SPATA21: variants seen among roughly 807,000 people sequenced by gnomAD.
The protein encoded by SPATA21 is spermatogenesis-associated protein 21.
A neutral mutation model predicts 54.8 loss-of-function variants in SPATA21; 47 were observed. The observed-to-expected ratio is 0.86, with a 90% CI of 0.68 to 1.09. The LOEUF (loss-of-function observed/expected upper bound fraction) is 1.09. Among genes scored for constraint, SPATA21 ranks in the 50% least tolerant of loss-of-function variants. The probability of loss-of-function intolerance (pLI) is 0.00; values close to 1 mark genes in which losing one functional copy is unlikely to be tolerated. For synonymous variants in SPATA21, 245 were observed against 235.3 expected (o/e 1.04, Z -0.38); for missense variants, 599 against 596.4 (o/e 1.00, Z -0.05).
rs927653674 is a variant in SPATA21, at chr1:16,428,701, G to C, written c.34+2637C>G. On this transcript the variant is annotated intron_variant, in intron 3 of 12. Transcript: ENST00000335496. This position sits in a 1 kb window ranked among gnomAD's most constrained non-coding sequence, Gnocchi z 4.3. Reference sequence around the variant, plus strand: ...TGAACTGGGTTTTGATCACTATCATGGTCTGTCACTCTCCAACTGGGTGAC... The same window carrying C: ...TGAACTGGGTTTTGATCACTATCATCGTCTGTCACTCTCCAACTGGGTGAC... Among the ~76,000 whole-genome samples, 6 of 152,042 alleles carry C rather than the reference G, an allele frequency of 3.9e-5. No individual in the cohort carries two copies. Among genetic ancestry groups the C allele is most frequent in the African/African-American group, 1.5e-4 (6 of 41,378 alleles).
intron 5 of SPATA21, among the ~76,000 whole-genome samples, chr1:16,419,427 A>G (rs918825592): frequency 1.3e-5 from 2 of 152,204 alleles, no homozygotes; most frequent in African/African-American, 4.8e-5. Flanking sequence ...TTTATTTTGT[A>G]GGTAGCACTA....
chr1:16,413,135 T>C (rs1404358191), intron 5 of SPATA21, among the ~76,000 whole-genome samples: 1 of 138,978 alleles, frequency 7.2e-6, no homozygotes, highest in Admixed American at 6.9e-5. Context: ...GCTGGTCTTT[T>C]CATCTTGTAG....
At chr1:16,423,412 CAAAAAA>C (rs1161125061) in intron 3 of SPATA21, among the ~76,000 whole-genome samples, 1,479 of 59,202 alleles carry the variant, frequency 0.025, 20 homozygotes, top group African/African-American at 0.072. Flanking sequence ...GACTCCATGT[CAAAAAA>C]AAAAAAAAAA....
At position 16,419,635 on chromosome 1, in the gene SPATA21, T is replaced by C. The variant is rs928201311; in HGVS notation, c.144+1874A>G. 2.0e-5 allele frequency among the ~76,000 whole-genome samples: 3 copies of C among 152,186 alleles called. No individual in the cohort carries two copies. In the East Asian group the frequency reaches 5.8e-4, roughly 29 times the overall value. On this transcript the variant is annotated intron_variant, in intron 5 of 12. Transcript: ENST00000335496. ...AAGTAGGCCATTGGATATATGAACA[T>C]GGAATTTAAAGGCAAGGTCTATGGC...
chr1:16,411,806 A>C lies in SPATA21; in HGVS notation c.145-1763T>G, dbSNP rs113192696. On this transcript the variant is annotated intron_variant, in intron 5 of 12. Coordinates refer to ENST00000335496, the MANE Select transcript of SPATA21 (RefSeq NM_198546.1). The stretch of plus-strand genomic sequence containing the variant: ...CTCTGTCTCAAAAAAAAAAAAAAAA[A>C]AACAAAACAAAACAAAGTCTCCTGA... Among the ~76,000 whole-genome samples, 7 of 128,414 alleles carry C rather than the reference A, an allele frequency of 5.5e-5. No individual in the cohort carries two copies. In the South Asian group the frequency reaches 1.4e-3, roughly 26 times the overall value. The allele number at this position is 128,414 out of a possible 152,430, so 84.2% of individuals were successfully genotyped here. A position where few individuals can be genotyped will look rare whatever the true frequency, so the allele number is the denominator to read the frequency against.
intron 3 of SPATA21, chr1:16,425,196 G>A (rs1262829637): frequency 2.0e-6 from 1 of 499,072 alleles, no homozygotes; most frequent in Non-Finnish European, 3.9e-6. Flanking sequence ...ACAGGCGTGA[G>A]CCACCATGCC....
intron 8 of SPATA21, among the ~76,000 whole-genome samples, 196 bp from the exon 9 acceptor site, chr1:16,404,235 C>T (rs1488133522): frequency 6.6e-6 from 1 of 151,846 alleles, no homozygotes; most frequent in Non-Finnish European, 1.5e-5. Context: ...TTTGGGAGGC[C>T]GAGGTGCGTG....
chr1:16,417,182 G>A (rs945705328), intron 5 of SPATA21, among the ~76,000 whole-genome samples: 1 of 152,096 alleles, frequency 6.6e-6, no homozygotes, highest in Non-Finnish European at 1.5e-5. Context: ...CCTCTCCATC[G>A]TCACTTTTCA....
Position 16,421,072 on chromosome 1 carries a change from G to C in SPATA21, c.144+437C>G, listed in dbSNP as rs1348184372. ...CATGCTAGTGACTGTGTATTTGCAG[G>C]TTGCCTGGTCAGGTCAAAGAACTAG... On this transcript the variant is annotated intron_variant, in intron 5 of 12. Transcript: ENST00000335496. The surrounding 1 kb of genome is among the most constrained non-coding windows in gnomAD (Gnocchi z 5.2). Among the ~76,000 whole-genome samples the C allele has an allele frequency of 6.6e-6, 1 of 152,134 alleles. No individual in the cohort carries two copies. The highest frequency in any genetic ancestry group is 1.9e-4 in the East Asian group (1 of 5,188).
At position 16,432,876 on chromosome 1, in the gene SPATA21, C is replaced by A. The variant is rs986656673; in HGVS notation, c.-138G>T. ...GAGGAACCTTCCATGTGCTGGAAAC[C>A]TTTGTAAACAGTATTCTCCTAACAG... On this transcript the variant is annotated 5_prime_UTR_variant, in exon 2 of 13. In the 5' UTR this introduces an upstream ATG that the reference lacks. Transcript: ENST00000335496. The A allele has an allele frequency of 6.6e-6, 1 of 152,198 alleles. No individual in the cohort carries two copies. Among genetic ancestry groups the A allele is most frequent in the Non-Finnish European group, 1.5e-5 (1 of 68,060 alleles). The allele number at this position is 152,198 out of a possible 1,614,324, so 9.4% of individuals were successfully genotyped here.
Position 16,428,261 on chromosome 1 carries a change from C to T in SPATA21, c.34+3077G>A, listed in dbSNP as rs1327638546. Among the ~76,000 whole-genome samples, 17 of 152,152 alleles carry T rather than the reference C, an allele frequency of 1.1e-4. No homozygotes were observed. Among genetic ancestry groups the T allele is most frequent in the South Asian group, 2.1e-4 (1 of 4,830 alleles). ...ATGAACTGGAGTCCAGATTAGTACC[C>T]GAGACAAGGGGATTGCCTTAAGGAC... On this transcript the variant is annotated intron_variant, in intron 3 of 12. Transcript: ENST00000335496. The surrounding 1 kb of genome is among the most constrained non-coding windows in gnomAD (Gnocchi z 4.3).
intron 3 of SPATA21, among the ~76,000 whole-genome samples, chr1:16,429,544 C>T (rs561128662): frequency 7.2e-5 from 11 of 151,958 alleles, no homozygotes; most frequent in East Asian, 3.9e-4. Context: ...GTGCAATCTC[C>T]GCTCACCGCA....
Position 16,409,105 on chromosome 1 carries a change from T to C in SPATA21, c.673+13A>G. On this transcript the variant is annotated intron_variant, in intron 7 of 12. Coordinates refer to ENST00000335496, the MANE Select transcript of SPATA21 (RefSeq NM_198546.1). This position sits in a 1 kb window ranked among gnomAD's most constrained non-coding sequence, Gnocchi z 4.1. ...TGCCTGTGCTGGGACCTCCCTGACCTCCCTGCCCTCACCTTCCTCTTGCTT... is the reference window on the plus strand; with the variant it reads ...TGCCTGTGCTGGGACCTCCCTGACCCCCCTGCCCTCACCTTCCTCTTGCTT... The C allele has an allele frequency of 6.2e-7, 1 of 1,613,952 alleles. No homozygotes were observed.
At position 16,421,451 on chromosome 1, in the gene SPATA21, A is replaced by T. The variant is rs2086167509; in HGVS notation, c.144+58T>A. 1 of 1,512,694 alleles carries T rather than the reference A, an allele frequency of 6.6e-7. No homozygotes were observed. Among genetic ancestry groups the T allele is most frequent in the Non-Finnish European group, 9.0e-7 (1 of 1,116,970 alleles). 93.7% of individuals were successfully genotyped at this position (1,512,694 alleles called of 1,614,324 possible). On this transcript the variant is annotated intron_variant, in intron 5 of 12. Transcript: ENST00000335496. This position sits in a 1 kb window ranked among gnomAD's most constrained non-coding sequence, Gnocchi z 5.2. ...CGCTTCTGCCCTCTTCCTCCTCCTG[A>T]TCCCCCCTGCCTTTCTCCTACACAG... is the stretch of plus-strand genomic sequence containing the variant.
Position 16,403,846 on chromosome 1 carries a change from T to C in SPATA21, c.884-2A>G. On this transcript the variant is annotated splice_acceptor_variant, in intron 9 of 12. Coordinates refer to ENST00000335496, the MANE Select transcript of SPATA21 (RefSeq NM_198546.1). LOFTEE classifies it high-confidence loss of function. ...CCATGTCCGACAGGGCGTTCTGTTC[T>C]GGAGACATGGGATAGTGGCTGCCGT... 1 of 1,609,876 alleles carries C rather than the reference T, an allele frequency of 6.2e-7. No individual in the cohort carries two copies. Among genetic ancestry groups the C allele is most frequent in the Non-Finnish European group, 8.5e-7 (1 of 1,177,548 alleles).
Position 16,409,980 on chromosome 1 carries a change from CG to C in SPATA21, c.207del (p.Ala70ArgfsTer17), listed in dbSNP as rs748011346. ...AGGCTCTGTGTCCCTGCAGCCACCG[CG>C]GGCTTCTGAGGCTGCTGCTGCGCAC... ...PDRAQQQPQK[P>X]AVAAGTQSLG... On this transcript the variant is annotated frameshift_variant, in exon 6 of 13. Coordinates refer to ENST00000335496, the MANE Select transcript of SPATA21 (RefSeq NM_198546.1). LOFTEE classifies it high-confidence loss of function. The surrounding 1 kb of genome is among the most constrained non-coding windows in gnomAD (Gnocchi z 4.1). The C allele has an allele frequency of 6.2e-7, 1 of 1,606,186 alleles. No individual in the cohort carries two copies. The highest frequency in any genetic ancestry group is 1.1e-5 in the South Asian group (1 of 89,896).
At chr1:16,404,487 C>T (rs1052777267) in intron 8 of SPATA21, among the ~76,000 whole-genome samples, 4 of 151,908 alleles carry the variant, frequency 2.6e-5, no homozygotes, top group African/African-American at 9.7e-5. Context: ...AACAAAAAAA[C>T]AAAACCAAAA....
In SPATA21 at chr1:16,409,318, C is replaced by T. The variant is rs577750088; in HGVS notation, c.588-115G>A. ...AGGTCGTGGGGGAGGCTTTGGGGAGCCCGGAGAGATCAAGAATGGCAGGAA... is the reference window on the plus strand; with the variant it reads ...AGGTCGTGGGGGAGGCTTTGGGGAGTCCGGAGAGATCAAGAATGGCAGGAA... On this transcript the variant is annotated intron_variant, in intron 6 of 12. Coordinates refer to ENST00000335496, the MANE Select transcript of SPATA21 (RefSeq NM_198546.1). The surrounding 1 kb of genome is among the most constrained non-coding windows in gnomAD (Gnocchi z 4.1). 2 of 1,118,086 alleles carry T rather than the reference C, an allele frequency of 1.8e-6. No homozygotes were observed. The highest frequency in any genetic ancestry group is 1.3e-6 in the Non-Finnish European group (1 of 768,084). The allele number at this position is 1,118,086 out of a possible 1,614,324, so 69.3% of individuals were successfully genotyped here.
Position 16,398,802 on chromosome 1 carries a change from C to A in SPATA21, c.1373G>T (p.Arg458Ile), listed in dbSNP as rs1400806980. ...QGNREHNSDS[R>I]KWLSSVPART... is the part of the protein sequence containing the mutation. The stretch of plus-strand genomic sequence containing the variant: ...AGCTGGCACAGAGCTGAGCCACTTT[C>A]TGCTGTCAGAGTTGTGTTCCCTGGG... The change falls in exon 13 of 13, where the codon AGA (arginine) becomes ATA (isoleucine). Residue 458 changes from arginine (R) to isoleucine (I), a missense_variant. Transcript: ENST00000335496. 6.2e-7 allele frequency: 1 copy of A among 1,613,584 alleles called. No individual in the cohort carries two copies. Among genetic ancestry groups the A allele is most frequent in the South Asian group, 1.1e-5 (1 of 91,056 alleles).
Sources: gnomAD v4.1 joint callset for allele counts (sites outside exome capture counted in the v4.1 genomes callset) on GRCh38, gnomAD v4.1.1 for gene constraint, Gnocchi (gnomAD v3.1) non-coding constraint, MANE v1.5 for transcripts, NCBI Gene and HGNC (gene_info 2026-07-23, HGNC 2026-07-21) for gene names.